CEMIP: variants seen among roughly 807,000 people sequenced by gnomAD.
CEMIP encodes the protein cell migration-inducing and hyaluronan-binding protein.
Under a neutral mutation model 156.9 loss-of-function variants are expected in CEMIP, and 105 were observed. That is an observed-to-expected ratio of 0.67 (90% CI 0.57 to 0.79). The LOEUF (loss-of-function observed/expected upper bound fraction) is 0.79, where lower values mean the gene tolerates loss of function less well. CEMIP is among the 30% of genes least tolerant of loss of function. CEMIP has a pLI of 0.00. For missense variants in CEMIP, 1,457 were observed against 1,769.4 expected (o/e 0.82, Z 3.17); for synonymous variants, 676 against 668.4 (o/e 1.01, Z -0.17).
In CEMIP at chr15:80,950,447, C is replaced by G. The variant is rs527683372; in HGVS notation, c.*1523C>G. The stretch of plus-strand genomic sequence containing the variant: ...ATGACAGCTAGCAGATCTCTTCCCT[C>G]CTGCTCCCAGCGCACACAAACCCGC... On this transcript the variant is annotated 3_prime_UTR_variant, in exon 30 of 30. Coordinates refer to ENST00000394685, the MANE Select transcript of CEMIP (RefSeq NM_001293298.2). 2 of 152,282 alleles carry G rather than the reference C, an allele frequency of 1.3e-5. No individual in the cohort carries two copies. The highest frequency in any genetic ancestry group is 4.8e-5 in the African/African-American group (2 of 41,466). The allele number at this position is 152,282 out of a possible 1,614,324, so 9.4% of individuals were successfully genotyped here.
At chr15:80,899,225 A>AAAGAAAG (rs57489754) in intron 12 of CEMIP, among the ~76,000 whole-genome samples, 2 of 126,790 alleles carry the variant, frequency 1.6e-5, no homozygotes, top group Non-Finnish European at 3.3e-5. Context: ...AAAAAAAAAA[A>AAAGAAAG]AAAGAAAGAA....
intron 5 of CEMIP, 119 bp from the exon 6 acceptor site, chr15:80,880,781 T>G (rs1227687153): frequency 1.5e-5 from 12 of 823,214 alleles, no homozygotes; most frequent in Non-Finnish European, 2.6e-5. Flanking sequence ...TGTGACTGGC[T>G]CTATGGTGGC....
intron 1 of CEMIP, among the ~76,000 whole-genome samples, chr15:80,812,707 T>C (rs1896698758): frequency 6.6e-6 from 1 of 152,210 alleles, no homozygotes; most frequent in Admixed American, 6.5e-5. Flanking sequence ...CTAACCAGAT[T>C]TATAGTTAAA....
chr15:80,793,971 T>A (rs1896151222), intron 1 of CEMIP, among the ~76,000 whole-genome samples: 1 of 152,236 alleles, frequency 6.6e-6, no homozygotes, highest in Non-Finnish European at 1.5e-5. Context: ...TTAAGTAGAA[T>A]GCTTTTGTCA....
At chr15:80,939,809 T>C (rs749004603) in intron 25 of CEMIP, among the ~76,000 whole-genome samples, 7 of 152,208 alleles carry the variant, frequency 4.6e-5, no homozygotes, top group Admixed American at 1.3e-4. Flanking sequence ...CCTTATACGT[T>C]TGTTGTTTCT....
Position 80,820,972 on chromosome 15 carries a change from T to A in CEMIP, c.-176+41358T>A, listed in dbSNP as rs150341374. Among the ~76,000 whole-genome samples, 1,407 of 152,310 alleles carry A rather than the reference T, an allele frequency of 9.2e-3. 6 individuals are homozygous for A. The highest frequency in any genetic ancestry group is 0.015 in the Admixed American group (236 of 15,306). ...AATGTGAAAGTGTCTGATACAGAGTTTGGAACCCAAAAGATGCTTCAAAAT... is the reference window on the plus strand; with the variant it reads ...AATGTGAAAGTGTCTGATACAGAGTATGGAACCCAAAAGATGCTTCAAAAT... On this transcript the variant is annotated intron_variant, in intron 1 of 29. Coordinates refer to ENST00000394685, the MANE Select transcript of CEMIP (RefSeq NM_001293298.2).
chr15:80,790,002 G>A (rs538653344), intron 1 of CEMIP, among the ~76,000 whole-genome samples: 1 of 152,294 alleles, frequency 6.6e-6, no homozygotes, highest in East Asian at 1.9e-4. Context: ...GTCACTATTT[G>A]AATAGAGCCC....
intron 1 of CEMIP, among the ~76,000 whole-genome samples, chr15:80,835,467 T>A (rs1258056731): frequency 6.6e-6 from 1 of 152,148 alleles, no homozygotes; most frequent in Non-Finnish European, 1.5e-5. Context: ...AGGTCCCGGG[T>A]CTGGGTGATA....
chr15:80,837,104 T>A (rs919307097), intron 1 of CEMIP, among the ~76,000 whole-genome samples: 2 of 152,246 alleles, frequency 1.3e-5, no homozygotes, highest in Admixed American at 6.5e-5. Flanking sequence ...GGGATGTGTC[T>A]GGCCCCCAGC....
chr15:80,791,542 A>G (rs998289635), intron 1 of CEMIP, among the ~76,000 whole-genome samples: 3 of 152,128 alleles, frequency 2.0e-5, no homozygotes, highest in Non-Finnish European at 2.9e-5. Context: ...CGCTGCCAAC[A>G]TGAGGTTTCT....
At chr15:80,823,933 T>A (rs77891070) in intron 1 of CEMIP, among the ~76,000 whole-genome samples, 252 of 152,254 alleles carry the variant, frequency 1.7e-3, no homozygotes, top group African/African-American at 5.8e-3. Flanking sequence ...GCACACCTGT[T>A]AAGTGGTAAA....
intron 10 of CEMIP, among the ~76,000 whole-genome samples, chr15:80,892,750 T>C (rs1899073647): frequency 6.6e-6 from 1 of 152,210 alleles, no homozygotes; most frequent in Non-Finnish European, 1.5e-5. Flanking sequence ...CCTGGGTACC[T>C]CACTCACAGT....
At chr15:80,839,332 T>C (rs1298210180) in intron 1 of CEMIP, among the ~76,000 whole-genome samples, 1 of 45,894 alleles carries the variant, frequency 2.2e-5, no homozygotes, top group African/African-American at 1.5e-4. Flanking sequence ...GTGTGTGTGT[T>C]TAATTTGTGG....
chr15:80,817,336 C>G (rs879900180), intron 1 of CEMIP, among the ~76,000 whole-genome samples: 3 of 152,002 alleles, frequency 2.0e-5, no homozygotes, highest in Non-Finnish European at 4.4e-5. Context: ...CACCTGTAGT[C>G]CCAGCACTAC....
intron 5 of CEMIP, among the ~76,000 whole-genome samples, chr15:80,880,290 A>G (rs1281670743): frequency 2.6e-5 from 4 of 152,246 alleles, no homozygotes; most frequent in Admixed American, 2.6e-4. Context: ...AGGTGATTCC[A>G]CATCTGATAT....
chr15:80,875,478 G>A (rs961602854), intron 3 of CEMIP, among the ~76,000 whole-genome samples: 4 of 152,142 alleles, frequency 2.6e-5, no homozygotes. Context: ...ATCTTTTAGG[G>A]TGACTTATCC....
intron 1 of CEMIP, among the ~76,000 whole-genome samples, chr15:80,838,251 G>A (rs922852437): frequency 5.9e-5 from 9 of 152,274 alleles, no homozygotes; most frequent in South Asian, 2.1e-4. Flanking sequence ...CTGGAGCAAC[G>A]GGTCTTGCAG....
In CEMIP at chr15:80,848,297, C is replaced by T. The variant is rs78818107; in HGVS notation, c.-175-25241C>T. The stretch of plus-strand genomic sequence containing the variant: ...CTTTTTCCTATAGGGAAGCCACTCA[C>T]GCTCCACAGTTCTGGGAAACGGACT... On this transcript the variant is annotated intron_variant, in intron 1 of 29. Coordinates refer to ENST00000394685, the MANE Select transcript of CEMIP (RefSeq NM_001293298.2). Among the ~76,000 whole-genome samples the T allele has an allele frequency of 3.6e-3, 555 of 152,280 alleles. 2 individuals carry two copies. The highest frequency in any genetic ancestry group is 0.013 in the African/African-American group (525 of 41,554).
chr15:80,895,263 G>T lies in CEMIP; in HGVS notation c.1219+141G>T, dbSNP rs570054402. On this transcript the variant is annotated intron_variant, in intron 11 of 29. Transcript: ENST00000394685. ...TTTTGTGACACGGGAGCAGTGGGAGGATCCTTGGAGTTGGCAGGAGACAGC... is the reference window on the plus strand; with the variant it reads ...TTTTGTGACACGGGAGCAGTGGGAGTATCCTTGGAGTTGGCAGGAGACAGC... The T allele has an allele frequency of 6.6e-5, 76 of 1,146,140 alleles. No homozygotes were observed. In the East Asian group the frequency reaches 1.8e-3, roughly 28 times the overall value. The allele number at this position is 1,146,140 out of a possible 1,614,324, so 71.0% of individuals were successfully genotyped here.
Sources: allele counts gnomAD v4.1 joint callset (sites outside exome capture counted in the v4.1 genomes callset), GRCh38; gene constraint gnomAD v4.1.1; transcripts MANE v1.5; gene names NCBI Gene and HGNC (gene_info 2026-07-23, HGNC 2026-07-21).